The following PTPRM variants were observed in gnomAD, a reference collection of about 807,000 sequenced individuals.
PTPRM encodes the protein receptor-type tyrosine-protein phosphatase mu.
Under a neutral mutation model 186.7 loss-of-function variants are expected in PTPRM, and 47 were observed. The observed-to-expected ratio is 0.25, with a 90% CI of 0.20 to 0.32. The LOEUF (loss-of-function observed/expected upper bound fraction) is 0.32. Among genes scored for constraint, PTPRM ranks in the 10% least tolerant of loss-of-function variants. PTPRM has a pLI of 1.00. For synonymous variants in PTPRM, 668 were observed against 674.9 expected (o/e 0.99, Z 0.16); for missense variants, 1,494 against 1,865.0 (o/e 0.80, Z 3.66).
At chr18:8,170,003 C>T (rs1419128907) in intron 14 of PTPRM, among the ~76,000 whole-genome samples, 1 of 152,208 alleles carries the variant, frequency 6.6e-6, no homozygotes, top group East Asian at 1.9e-4. Context: ...TCTTGCTAAC[C>T]TCTCATTTTA....
intron 7 of PTPRM, among the ~76,000 whole-genome samples, chr18:8,015,890 G>A (rs2084829066): frequency 6.6e-6 from 1 of 152,116 alleles, no homozygotes; most frequent in Non-Finnish European, 1.5e-5. Context: ...ATTAATCTTG[G>A]AGTGAATACT....
At chr18:7,985,296 CATATAATAGT>C (rs1216946343) in intron 7 of PTPRM, among the ~76,000 whole-genome samples, 1 of 97,834 alleles carries the variant, frequency 1.0e-5, no homozygotes, top group Non-Finnish European at 2.0e-5. Context: ...TAAATATATA[CATATAATAGT>C]ATATACACAT....
intron 19 of PTPRM, among the ~76,000 whole-genome samples, chr18:8,283,453 G>C (rs1027867825): frequency 2.0e-5 from 3 of 151,966 alleles, no homozygotes; most frequent in African/African-American, 7.3e-5. Context: ...AAAGATGCTG[G>C]GGTCTCTTTT....
At chr18:7,772,424 CTCCCTT>C (rs1475128444) in intron 1 of PTPRM, among the ~76,000 whole-genome samples, 3 of 124,084 alleles carry the variant, frequency 2.4e-5, no homozygotes, top group Admixed American at 8.7e-5. Context: ...TTCTTTCTTT[CTCCCTT>C]CCCCTTCCCC....
chr18:7,659,651 C>T (rs1425680970), intron 1 of PTPRM, among the ~76,000 whole-genome samples: 1 of 152,206 alleles, frequency 6.6e-6, no homozygotes, highest in Non-Finnish European at 1.5e-5. Flanking sequence ...TGCTTCCCGT[C>T]TTCCTAATAC....
chr18:8,108,774 T>A (rs2091633332), intron 11 of PTPRM, among the ~76,000 whole-genome samples: 1 of 152,248 alleles, frequency 6.6e-6, no homozygotes, highest in Admixed American at 6.5e-5. Flanking sequence ...AGGAAAGTTC[T>A]GATATAATGA....
intron 20 of PTPRM, among the ~76,000 whole-genome samples, chr18:8,308,412 C>T (rs1024876257): frequency 6.6e-6 from 1 of 152,178 alleles, no homozygotes; most frequent in Non-Finnish European, 1.5e-5. Flanking sequence ...AATATAAATG[C>T]AAGCCACATG....
intron 7 of PTPRM, among the ~76,000 whole-genome samples, chr18:8,013,738 C>G (rs2084684265): frequency 6.6e-6 from 1 of 152,154 alleles, no homozygotes; most frequent in South Asian, 2.1e-4. Flanking sequence ...TCAAGGATAA[C>G]AGGGTCAGTT....
intron 2 of PTPRM, among the ~76,000 whole-genome samples, chr18:7,859,993 ATTTGAGAAAATTTATGGAGAATTTTCT>A (rs2047282916): frequency 6.6e-6 from 1 of 152,148 alleles, no homozygotes; most frequent in South Asian, 2.1e-4. Flanking sequence ...GGAGGTTTAT[ATTTGAGAAAATTTATGGAGAATTTTCT>A]GATCCTTTTT....
chr18:7,832,924 A>G (rs534893690), intron 2 of PTPRM, among the ~76,000 whole-genome samples: 1 of 152,188 alleles, frequency 6.6e-6, no homozygotes, highest in South Asian at 2.1e-4. Flanking sequence ...AAATGAGTAT[A>G]CTGTAGGTCT....
intron 1 of PTPRM, among the ~76,000 whole-genome samples, chr18:7,596,683 T>C (rs2037270065): frequency 6.6e-6 from 1 of 152,150 alleles, no homozygotes; most frequent in Admixed American, 6.5e-5. Flanking sequence ...TCTTGGAACC[T>C]ATTTTTGGGG....
chr18:7,987,608 C>G (rs2083034840), intron 7 of PTPRM, among the ~76,000 whole-genome samples: 1 of 152,166 alleles, frequency 6.6e-6, no homozygotes, highest in African/African-American at 2.4e-5. Flanking sequence ...GACCCCTAGA[C>G]TCTCCAGGGC....
intron 7 of PTPRM, among the ~76,000 whole-genome samples, chr18:8,000,036 T>A (rs575623202): frequency 1.3e-5 from 2 of 152,222 alleles, no homozygotes; most frequent in Admixed American, 1.3e-4. Flanking sequence ...TCAGAAGCGG[T>A]CAGGCAAGGG....
At chr18:7,800,571 A>G (rs1022677438) in intron 2 of PTPRM, among the ~76,000 whole-genome samples, 1 of 152,230 alleles carries the variant, frequency 6.6e-6, no homozygotes, top group Admixed American at 6.5e-5. Context: ...TTGGAGTATC[A>G]TGTAATGGAC....
At chr18:7,835,004 T>C (rs200066968) in intron 2 of PTPRM, among the ~76,000 whole-genome samples, 2 of 146,766 alleles carry the variant, frequency 1.4e-5, no homozygotes, top group Non-Finnish European at 3.0e-5. Context: ...TTTTTTTTTT[T>C]TTTTTTTTTT....
intron 19 of PTPRM, among the ~76,000 whole-genome samples, chr18:8,280,657 C>T (rs957168226): frequency 3.3e-5 from 5 of 152,282 alleles, no homozygotes; most frequent in South Asian, 2.1e-4. Flanking sequence ...ATCCCAGCCT[C>T]GTTGCAAGTG....
chr18:8,128,776 T>A (rs1221270462), intron 13 of PTPRM, among the ~76,000 whole-genome samples: 1 of 152,194 alleles, frequency 6.6e-6, no homozygotes, highest in East Asian at 1.9e-4. Flanking sequence ...TATATTGCAC[T>A]GAAATAGTAT....
At chr18:8,396,195 A>G (rs1032101909) in intron 32 of PTPRM, among the ~76,000 whole-genome samples, 1 of 152,226 alleles carries the variant, frequency 6.6e-6, no homozygotes, top group Non-Finnish European at 1.5e-5. Context: ...CAATTGAGCA[A>G]AGAGTGGCCA....
intron 14 of PTPRM, among the ~76,000 whole-genome samples, chr18:8,197,870 G>A (rs2093801124): frequency 6.6e-6 from 1 of 152,160 alleles, no homozygotes. Flanking sequence ...GCATTTGACT[G>A]CCGACACACT....
Sources: allele counts gnomAD v4.1 joint callset (sites outside exome capture counted in the v4.1 genomes callset), GRCh38; gene constraint gnomAD v4.1.1; transcripts MANE v1.5; gene names NCBI Gene and HGNC (gene_info 2026-07-23, HGNC 2026-07-21).